ITCH: variants seen among roughly 807,000 people sequenced by gnomAD.
ITCH encodes E3 ubiquitin-protein ligase Itchy homolog.
In ITCH, 28 loss-of-function variants were observed where a neutral mutation model predicts 126.8. The ratio of observed to expected loss-of-function variants is 0.22; its 90% CI spans 0.16 to 0.30. ITCH has a LOEUF of 0.30. Among genes scored for constraint, ITCH ranks in the 10% least tolerant of loss-of-function variants. ITCH has a pLI of 1.00. For synonymous variants in ITCH, 342 were observed against 340.0 expected, an observed-to-expected ratio of 1.01 and a Z score of -0.06; for missense variants, 631 against 1,032.4, an observed-to-expected ratio of 0.61 and a Z score of 5.33.
At chr20:34,438,690 C>T in intron 8 of ITCH, 59 bp downstream of exon 8, 2 of 1,568,050 alleles carry the variant, frequency 1.3e-6, no homozygotes, top group Middle Eastern at 2.1e-4. Flanking sequence ...AATTAATCCT[C>T]AGGTAAGTGT....
At chr20:34,409,257 A>G (rs1196407534) in intron 4 of ITCH, among the ~76,000 whole-genome samples, 1 of 150,144 alleles carries the variant, frequency 6.7e-6, no homozygotes, top group Non-Finnish European at 1.5e-5. Context: ...TAGTGGCACT[A>G]TCATAGCTCA....
At chr20:34,386,600 T>C (rs2038292811) in intron 2 of ITCH, among the ~76,000 whole-genome samples, 1 of 152,206 alleles carries the variant, frequency 6.6e-6, no homozygotes, top group Non-Finnish European at 1.5e-5. Flanking sequence ...TTGTGTCTTC[T>C]GAAATGTCAT....
chr20:34,364,541 A>G (rs376879817), intron 1 of ITCH, among the ~76,000 whole-genome samples: 23 of 151,992 alleles, frequency 1.5e-4, no homozygotes, highest in African/African-American at 4.3e-4. Context: ...AGAGCTTGCT[A>G]TGTGTATTTA....
intron 2 of ITCH, among the ~76,000 whole-genome samples, chr20:34,379,320 G>A (rs1022561111): frequency 6.6e-6 from 1 of 152,004 alleles, no homozygotes; most frequent in Admixed American, 6.6e-5. Context: ...TATTTTTATT[G>A]TGGTAAAATA....
In ITCH at chr20:34,507,820, G is replaced by A. The variant is rs1396105493; in HGVS notation, c.*26G>A. On this transcript the variant is annotated 3_prime_UTR_variant, in exon 25 of 25. Coordinates refer to ENST00000374864, the MANE Select transcript of ITCH (RefSeq NM_031483.7). The stretch of plus-strand genomic sequence containing the variant: ...CTTCTGAGAACTTGCACCATGAATG[G>A]GCAAGAACTTATTTGCAATGTTTGT... 6 of 1,514,842 alleles carry A rather than the reference G, an allele frequency of 4.0e-6. No individual in the cohort carries two copies. Among genetic ancestry groups the A allele is most frequent in the Non-Finnish European group, 5.5e-6 (6 of 1,090,122 alleles). The allele number at this position is 1,514,842 out of a possible 1,614,324, so 93.8% of individuals were successfully genotyped here.
At position 34,510,655 on chromosome 20, in the gene ITCH, C is replaced by T. The variant is rs559026378; in HGVS notation, c.*2861C>T. 37 of 152,030 alleles carry T rather than the reference C, an allele frequency of 2.4e-4. No individual in the cohort carries two copies. The highest frequency in any genetic ancestry group is 8.7e-4 in the African/African-American group (36 of 41,454). 9.4% of individuals were successfully genotyped at this position (152,030 alleles called of 1,614,324 possible). A position where few individuals can be genotyped will look rare whatever the true frequency, so the allele number is the denominator to read the frequency against. On this transcript the variant is annotated 3_prime_UTR_variant, in exon 25 of 25. Coordinates refer to ENST00000374864, the MANE Select transcript of ITCH (RefSeq NM_031483.7). ...TCAAGCAGCTCATAATAATGAATTC[C>T]TGCTCTGTCTTTTATTATCTTATGT...
chr20:34,428,133 A>G (rs1203699950), intron 7 of ITCH, among the ~76,000 whole-genome samples: 3 of 152,208 alleles, frequency 2.0e-5, no homozygotes, highest in Non-Finnish European at 2.9e-5. Flanking sequence ...ATTCCAGAGC[A>G]CACACACCTT....
chr20:34,497,384 A>C (rs186915235), intron 23 of ITCH, among the ~76,000 whole-genome samples: 1 of 152,058 alleles, frequency 6.6e-6, no homozygotes, highest in African/African-American at 2.4e-5. Flanking sequence ...CCACTGGTCT[A>C]TGTGTCTGCT....
At chr20:34,403,249 T>C (rs1440703895) in intron 3 of ITCH, among the ~76,000 whole-genome samples, 1 of 152,174 alleles carries the variant, frequency 6.6e-6, no homozygotes, top group Non-Finnish European at 1.5e-5. Flanking sequence ...GATCCATTCT[T>C]TTTTTGTATG....
intron 8 of ITCH, 152 bp downstream of exon 8, chr20:34,438,783 A>G (rs772562038): frequency 9.7e-7 from 1 of 1,035,586 alleles, no homozygotes; most frequent in Non-Finnish European, 1.5e-6. Context: ...GTAGGTAACC[A>G]AAAGTGCCTT....
intron 4 of ITCH, among the ~76,000 whole-genome samples, chr20:34,411,852 T>C (rs1163883160): frequency 6.6e-6 from 1 of 152,236 alleles, no homozygotes; most frequent in Admixed American, 6.5e-5. Flanking sequence ...AATACCATTA[T>C]AGAGAGTATT....
At chr20:34,432,238 TTAAAC>T (rs1982403334) in intron 7 of ITCH, among the ~76,000 whole-genome samples, 2 of 152,118 alleles carry the variant, frequency 1.3e-5, no homozygotes, top group Admixed American at 6.5e-5. Flanking sequence ...TTTTAAAAAA[TTAAAC>T]TAAAACCTCT....
chr20:34,449,106 A>C (rs1043444566), intron 11 of ITCH, among the ~76,000 whole-genome samples: 1 of 152,086 alleles, frequency 6.6e-6, no homozygotes. Context: ...ATATTTTTCT[A>C]ATTTTTATAT....
At chr20:34,401,916 C>G (rs532537394) in intron 3 of ITCH, among the ~76,000 whole-genome samples, 7 of 152,242 alleles carry the variant, frequency 4.6e-5, no homozygotes, top group Non-Finnish European at 7.4e-5. Flanking sequence ...TAGTACTAAT[C>G]ACTTTTCTGA....
chr20:34,384,870 G>A (rs1172061032), intron 2 of ITCH, among the ~76,000 whole-genome samples: 1 of 151,910 alleles, frequency 6.6e-6, no homozygotes, highest in East Asian at 1.9e-4. Context: ...CACCGTGTTA[G>A]CCAGGTTGGT....
At chr20:34,399,955 T>C (rs1469952253) in intron 3 of ITCH, among the ~76,000 whole-genome samples, 1 of 152,066 alleles carries the variant, frequency 6.6e-6, no homozygotes, top group African/African-American at 2.4e-5. Flanking sequence ...TTGTTTTTTT[T>C]TTAAGACGGA....
chr20:34,489,866 A>G lies in ITCH; in HGVS notation c.2259A>G (p.Gln753=), dbSNP rs1375164348. ...GMQEIDLNDW[Q]RHAIYRHYAR... ...AAGAGATTGATTTGAATGACTGGCA[A>G]AGACATGCCATCTACCGTCATTATG... The change falls in exon 22 of 25, where the codon CAA becomes CAG. Residue 753 remains glutamine (Q), a synonymous_variant. Transcript: ENST00000374864. The G allele has an allele frequency of 6.2e-7, 1 of 1,613,982 alleles. No homozygotes were observed. Among genetic ancestry groups the G allele is most frequent in the African/African-American group, 1.3e-5 (1 of 75,046 alleles).
chr20:34,366,714 GA>G (rs552025838), intron 1 of ITCH, among the ~76,000 whole-genome samples: 15 of 145,752 alleles, frequency 1.0e-4, no homozygotes, highest in African/African-American at 2.3e-4. Flanking sequence ...CAAAAGGAAG[GA>G]AAAAAAAAAG....
chr20:34,406,087 T>C (rs2039049414), intron 3 of ITCH, among the ~76,000 whole-genome samples: 1 of 151,954 alleles, frequency 6.6e-6, no homozygotes, highest in African/African-American at 2.4e-5. Context: ...AGTGGTGCAA[T>C]CACAGCTCAC....
Sources: allele counts gnomAD v4.1 joint callset (sites outside exome capture counted in the v4.1 genomes callset), GRCh38; gene constraint gnomAD v4.1.1; transcripts MANE v1.5; gene names NCBI Gene and HGNC (gene_info 2026-07-23, HGNC 2026-07-21).